The following TOP1MT variants were observed in gnomAD, a reference collection of about 807,000 sequenced individuals.
TOP1MT encodes the protein DNA topoisomerase I mitochondrial, also known as DNA topoisomerase I, mitochondrial.
A neutral mutation model predicts 73.9 loss-of-function variants in TOP1MT; 80 were observed. That is an observed-to-expected ratio of 1.08 (90% CI 0.90 to 1.30). The LOEUF (loss-of-function observed/expected upper bound fraction) is 1.30. Ranked by LOEUF, TOP1MT falls within the 50% of genes most tolerant of loss-of-function variation. The pLI is 0.00. For synonymous variants in TOP1MT, 338 were observed against 326.4 expected (o/e 1.04, Z -0.38); for missense variants, 815 against 808.0 (o/e 1.01, Z -0.10).
rs757175955 is a variant in TOP1MT, at chr8:143,324,602, C to T, written c.699G>A (p.Ala233=). 1.2e-5 allele frequency: 20 copies of T among 1,613,410 alleles called. No individual in the cohort carries two copies. The highest frequency in any genetic ancestry group is 5.5e-5 in the South Asian group (5 of 91,080). Residue 233 remains alanine (A), a synonymous_variant, in exon 6 of 14, where the codon GCG becomes GCA. Coordinates refer to ENST00000329245, the MANE Select transcript of TOP1MT (RefSeq NM_052963.3). ...AGCGCACCTCCTTCCACTGGTGCCC[C>T]GCCGGCGGCTCGGGGATCTTCGAGT... The part of the protein sequence containing the change: ...SRDSKIPEPP[A]GHQWKEVRSD...
At chr8:143,335,445 C>T (rs1218750996), upstream of TOP1MT, among the ~76,000 whole-genome samples, 1 of 152,244 alleles carries the variant, frequency 6.6e-6, no homozygotes. Flanking sequence ...GAAATCATCC[C>T]TGCCAACCAG....
rs764782026 is a variant in TOP1MT, at chr8:143,310,054, CCAGG to C, written c.1703+10_1703+13del. 2.2e-5 allele frequency: 35 copies of C among 1,610,244 alleles called. No individual in the cohort carries two copies. The South Asian group carries it at 3.8e-4, about 18-fold the overall frequency. On this transcript the variant is annotated intron_variant, in intron 13 of 13. Coordinates refer to ENST00000329245, the MANE Select transcript of TOP1MT (RefSeq NM_052963.3). The stretch of plus-strand genomic sequence containing the variant: ...TAGGCCACAGGTGGGAACTGAGACC[CCAGG>C]CACACGCACCAGGCAATGCTGATCC...
intron 12 of TOP1MT, among the ~76,000 whole-genome samples, chr8:143,314,558 C>A (rs1586748814): frequency 6.8e-6 from 1 of 147,460 alleles, no homozygotes; most frequent in East Asian, 2.0e-4. Flanking sequence ...CGCGCCAGCG[C>A]ACTCCAGCCT....
rs11544482 is a variant in TOP1MT at position 143,321,315 on chromosome 8, G to C, written c.1032C>G (p.Arg344=). The stretch of plus-strand genomic sequence containing the variant: ...CCGGGTGCAGCTGGACGTGCTCCAC[G>C]CGGAGGGAACAGCAGCCCACGGTGT... The part of the protein sequence containing the change: ...AADTVGCCSL[R]VEHVQLHPEA... Residue 344 remains arginine, a synonymous_variant, in exon 8 of 14, where the codon CGC becomes CGG. Transcript: ENST00000329245. 459,131 of 1,609,856 alleles carry C rather than the reference G, an allele frequency of 0.29. 69,488 individuals are homozygous for C. The highest frequency in any genetic ancestry group is 0.48 in the African/African-American group (35,562 of 74,790).
chr8:143,354,317 G>T (rs1217266672), intron 1 of TOP1MT, among the ~76,000 whole-genome samples: 2 of 152,054 alleles, frequency 1.3e-5, no homozygotes, highest in Admixed American at 1.3e-4. Context: ...AAATACTGCA[G>T]GATTCTGTTT....
In TOP1MT at chr8:143,331,314, C is replaced by A. The variant is rs745605804; in HGVS notation, c.148G>T (p.Gly50Trp). 2 of 1,612,414 alleles carry A rather than the reference C, an allele frequency of 1.2e-6. No homozygotes were observed. Among genetic ancestry groups the A allele is most frequent in the Admixed American group, 1.7e-5 (1 of 59,936 alleles). Residue 50 changes from glycine to tryptophan, a missense_variant, in exon 2 of 14, where the codon GGG (glycine) becomes TGG (tryptophan). By Grantham distance (184) the Gly-to-Trp change is radical. Transcript: ENST00000329245. ...TGCTCCAGCTGTCTCCACTTCACCC[C>A]GTCTTCGTGCTTCTCCTTCTCCCAC... ...ARWEKEKHED[G>W]VKWRQLEHKG...
chr8:143,325,273 G>A, intron 5 of TOP1MT, 73 bp downstream of exon 5: 3 of 1,332,276 alleles, frequency 2.3e-6, no homozygotes, highest in Non-Finnish European at 3.1e-6. Flanking sequence ...CCTCTCCCAG[G>A]AGGTGAAGAA....
At chr8:143,336,431 A>G (rs901773), upstream of TOP1MT, among the ~76,000 whole-genome samples, 24,446 of 152,154 alleles carry the variant, frequency 0.16, 6,587 homozygotes, top group African/African-American at 0.56. Context: ...CAGAATAGAA[A>G]GAAACTTAAC....
intron 2 of TOP1MT, chr8:143,343,165 G>A: frequency 2.2e-6 from 1 of 456,258 alleles, no homozygotes; most frequent in Non-Finnish European, 4.4e-6. Flanking sequence ...GAGTGCCTGG[G>A]AAGTTGCTTA....
chr8:143,329,942 T>TG (rs113536037), intron 2 of TOP1MT, among the ~76,000 whole-genome samples: 52,431 of 151,952 alleles, frequency 0.35, 12,355 homozygotes, highest in African/African-American at 0.67. Context: ...GGTTTAGAGA[T>TG]GGGGGGTGAG....
rs925142132 is a variant in TOP1MT, at chr8:143,352,724, T to C, written c.-39+3241A>G. 5.9e-5 allele frequency among the ~76,000 whole-genome samples: 9 copies of C among 152,286 alleles called. No individual in the cohort carries two copies. In the East Asian group the frequency reaches 1.7e-3, roughly 29 times the overall value. On this transcript the variant is annotated intron_variant, in intron 1 of 5. Coordinates refer to the TOP1MT transcript ENST00000518760. ...TCACTGCAGCCTTGAACTCCCAGGC[T>C]CCAGCAATCCTTCCACCTCAGCTTA...
At chr8:143,335,825 C>G (rs144100649), upstream of TOP1MT, among the ~76,000 whole-genome samples, 482 of 152,386 alleles carry the variant, frequency 3.2e-3, 4 homozygotes, top group African/African-American at 0.011. Flanking sequence ...CCCTCCCCTG[C>G]CACCAACTGA....
At chr8:143,334,697 C>G in intron 1 of TOP1MT, 43 bp downstream of exon 1, 1 of 1,595,746 alleles carries the variant, frequency 6.3e-7, no homozygotes, top group Non-Finnish European at 8.5e-7. Context: ...TACCCAAGCC[C>G]GGTGCTCAGG....
chr8:143,309,462 T>C lies in TOP1MT; in HGVS notation c.1785A>G (p.Ala595=). 1 of 1,613,948 alleles carries C rather than the reference T, an allele frequency of 6.2e-7. No homozygotes were observed. Among genetic ancestry groups the C allele is most frequent in the Non-Finnish European group, 8.5e-7 (1 of 1,180,018 alleles). The change falls in exon 14 of 14, where the codon GCA becomes GCG. Residue 595 remains alanine (A), a synonymous_variant. Transcript: ENST00000329245. The part of the protein sequence containing the change: ...RERFAWALAM[A]GEDFEF Reference sequence around the variant, plus strand: ...GTCGTTAGAATTCAAAGTCTTCTCCTGCCATGGCGAGAGCCCAGGCGAACC... The same window carrying C: ...GTCGTTAGAATTCAAAGTCTTCTCCCGCCATGGCGAGAGCCCAGGCGAACC...
intron 3 of TOP1MT, chr8:143,327,487 T>C (rs1816739886): frequency 6.2e-6 from 1 of 161,742 alleles, no homozygotes; most frequent in Non-Finnish European, 1.4e-5. Flanking sequence ...CGCTGTGGGA[T>C]GGGGATGATC....
chr8:143,332,217 A>G (rs1427769162), intron 1 of TOP1MT, among the ~76,000 whole-genome samples: 4 of 152,172 alleles, frequency 2.6e-5, no homozygotes, highest in African/African-American at 9.6e-5. Context: ...CAAAACCCAT[A>G]CGAAGGGCTC....
At chr8:143,339,392 G>A (rs1370819720), upstream of TOP1MT, among the ~76,000 whole-genome samples, 1 of 152,188 alleles carries the variant, frequency 6.6e-6, no homozygotes, top group African/African-American at 2.4e-5. Flanking sequence ...CAGGGGTGAC[G>A]GCTACAACTG....
chr8:143,312,628 T>C (rs946364732), intron 12 of TOP1MT, among the ~76,000 whole-genome samples: 1 of 152,132 alleles, frequency 6.6e-6, no homozygotes, highest in Non-Finnish European at 1.5e-5. Context: ...GATAAAAGCA[T>C]GAGAGTTTTG....
rs375523724 is a variant in TOP1MT, at chr8:143,350,521, G to A, written c.-39+5444C>T. Reference sequence around the variant, plus strand: ...TAATTTTTGTATTTTTAGTAGAGACGGGGTTTCGCCATGTTGGCCAGGCTG... The same window carrying A: ...TAATTTTTGTATTTTTAGTAGAGACAGGGTTTCGCCATGTTGGCCAGGCTG... On this transcript the variant is annotated intron_variant, in intron 1 of 5. Coordinates refer to the TOP1MT transcript ENST00000518760. Among the ~76,000 whole-genome samples the A allele has an allele frequency of 2.2e-4, 34 of 151,788 alleles. 1 individual carries two copies. The highest frequency in any genetic ancestry group is 1.5e-3 in the South Asian group (7 of 4,798).
Sources: gnomAD v4.1 joint callset for allele counts (sites outside exome capture counted in the v4.1 genomes callset) on GRCh38, gnomAD v4.1.1 for gene constraint, MANE v1.5 for transcripts, NCBI Gene and HGNC (gene_info 2026-07-23, HGNC 2026-07-21) for gene names.